Variants in EPB41L4A observed in about 807,000 individuals in gnomAD.
EPB41L4A encodes erythrocyte membrane protein band 4.1 like 4A, also known as band 4.1-like protein 4A.
A neutral mutation model predicts 108.6 loss-of-function variants in EPB41L4A; 100 were observed. That is an observed-to-expected ratio of 0.92 (90% confidence interval 0.78 to 1.09). The LOEUF (loss-of-function observed/expected upper bound fraction) is 1.09, where lower values mean the gene tolerates loss of function less well. EPB41L4A is among the 50% of genes least tolerant of loss of function. The pLI is 0.00. For missense variants in EPB41L4A, 1,030 were observed against 842.7 expected (o/e 1.22, Z -2.75); for synonymous variants, 319 against 289.0 (o/e 1.10, Z -1.05).
intron 2 of EPB41L4A, among the ~76,000 whole-genome samples, chr5:112,290,525 T>G (rs572993305): frequency 6.6e-6 from 1 of 152,294 alleles, no homozygotes; most frequent in Admixed American, 6.5e-5. Context: ...GAGTGGACTC[T>G]AAAATAATCA....
chr5:112,282,062 T>C lies in EPB41L4A; in HGVS notation c.205-1739A>G, dbSNP rs1279819370. 4.6e-5 allele frequency among the ~76,000 whole-genome samples: 7 copies of C among 152,310 alleles called. No individual in the cohort carries two copies. The East Asian group carries it at 9.7e-4, about 21-fold the overall frequency. On this transcript the variant is annotated intron_variant, in intron 2 of 22. Transcript: ENST00000261486. ...TTCATCATGTCTTATTTTTCAAAGG[T>C]CTAGAATCACTCACTTTTAAAACAG...
intron 4 of EPB41L4A, 60 bp from the exon 5 acceptor site, chr5:112,266,390 CG>C: frequency 8.5e-7 from 1 of 1,179,736 alleles, no homozygotes; most frequent in Non-Finnish European, 1.2e-6. Context: ...CCTGAGGTTT[CG>C]GACCCTGATA....
At chr5:112,184,237 T>G (rs1761314113) in intron 17 of EPB41L4A, 102 bp from the exon 18 acceptor site, 2 of 1,372,540 alleles carry the variant, frequency 1.5e-6, no homozygotes, top group African/African-American at 2.9e-5. Flanking sequence ...AGCAGAAATT[T>G]TATTATGATC....
At chr5:112,225,329 T>C (rs1019723209) in intron 12 of EPB41L4A, among the ~76,000 whole-genome samples, 2 of 152,236 alleles carry the variant, frequency 1.3e-5, no homozygotes, top group Admixed American at 1.3e-4. Context: ...TTGAAGACTC[T>C]GGTTGTGTCT....
chr5:112,211,805 G>C (rs12659409), intron 12 of EPB41L4A, among the ~76,000 whole-genome samples: 51,689 of 152,006 alleles, frequency 0.34, 9,536 homozygotes, highest in East Asian at 0.66. Context: ...GGTGGTTTCA[G>C]ATAAGAGTTC....
At chr5:112,250,773 G>A (rs182340925) in intron 9 of EPB41L4A, 18 of 152,262 alleles carry the variant, frequency 1.2e-4, no homozygotes, top group African/African-American at 3.9e-4. Flanking sequence ...CCAAGAACAA[G>A]GTGATTCCAT....
At chr5:112,366,987 G>A (rs974059836) in intron 1 of EPB41L4A, among the ~76,000 whole-genome samples, 1 of 152,154 alleles carries the variant, frequency 6.6e-6, no homozygotes, top group Non-Finnish European at 1.5e-5. Flanking sequence ...CAGAACTTGG[G>A]TCCTTCACAA....
intron 18 of EPB41L4A, chr5:112,175,507 T>C (rs935093828): frequency 3.3e-5 from 5 of 152,202 alleles, no homozygotes; most frequent in South Asian, 2.1e-4. Context: ...TTGTTGCGGA[T>C]AAAATACAAA....
At chr5:112,216,609 T>TA (rs199551866) in intron 12 of EPB41L4A, among the ~76,000 whole-genome samples, 53 of 151,244 alleles carry the variant, frequency 3.5e-4, no homozygotes, top group South Asian at 2.1e-3. Context: ...TCCCTTAACA[T>TA]AAAAAAAAAC....
At chr5:112,340,369 T>A (rs1044430480) in intron 1 of EPB41L4A, among the ~76,000 whole-genome samples, 2 of 152,138 alleles carry the variant, frequency 1.3e-5, no homozygotes, top group African/African-American at 2.4e-5. Flanking sequence ...GGCCCCAAAA[T>A]GCACGTTTAA....
At chr5:112,261,566 T>C (rs1751484442) in intron 7 of EPB41L4A, among the ~76,000 whole-genome samples, 1 of 152,236 alleles carries the variant, frequency 6.6e-6, no homozygotes, top group Non-Finnish European at 1.5e-5. Flanking sequence ...AATCAATTGG[T>C]AGCCTAAGAG....
chr5:112,171,107 C>G (rs1320022923), intron 18 of EPB41L4A, 115 bp from the exon 19 acceptor site: 1 of 879,286 alleles, frequency 1.1e-6, no homozygotes, highest in Admixed American at 2.2e-5. Context: ...TGAGAACAGA[C>G]AAGGAAAGAC....
intron 13 of EPB41L4A, among the ~76,000 whole-genome samples, chr5:112,205,739 C>G (rs1256790674): frequency 1.3e-5 from 2 of 152,154 alleles, no homozygotes; most frequent in Non-Finnish European, 2.9e-5. Context: ...CTTTAGTCAA[C>G]AGATGCCAGG....
At chr5:112,375,323 G>GCTCTCTCTCGCGCACACA (rs1440284141) in intron 1 of EPB41L4A, among the ~76,000 whole-genome samples, 2 of 142,456 alleles carry the variant, frequency 1.4e-5, no homozygotes, top group African/African-American at 5.3e-5. Context: ...TCTCTCTCTC[G>GCTCTCTCTCGCGCACACA]CACACACACA....
intron 15 of EPB41L4A, among the ~76,000 whole-genome samples, chr5:112,199,491 T>G (rs17134229): frequency 0.03 from 4,644 of 152,296 alleles, 253 homozygotes; most frequent in African/African-American, 0.11. Flanking sequence ...TTTTGCATTC[T>G]ATCTATACTA....
intron 14 of EPB41L4A, 126 bp downstream of exon 14, chr5:112,205,295 G>C: frequency 1.2e-6 from 1 of 823,452 alleles, no homozygotes; most frequent in Non-Finnish European, 2.2e-6. Context: ...TTGATTTAGA[G>C]TCTGCCCACT....
At chr5:112,260,559 G>GAC (rs1751425031) in intron 7 of EPB41L4A, among the ~76,000 whole-genome samples, 1 of 152,136 alleles carries the variant, frequency 6.6e-6, no homozygotes, top group East Asian at 1.9e-4. Flanking sequence ...GTCACTAGCA[G>GAC]ACACACACTT....
intron 12 of EPB41L4A, among the ~76,000 whole-genome samples, chr5:112,214,409 A>G (rs778109808): frequency 1.3e-5 from 2 of 152,246 alleles, no homozygotes; most frequent in Non-Finnish European, 1.5e-5. Context: ...GGTATAACAT[A>G]CATATATAAA....
chr5:112,383,608 C>G (rs1760307169), intron 1 of EPB41L4A, among the ~76,000 whole-genome samples: 1 of 152,138 alleles, frequency 6.6e-6, no homozygotes, highest in Admixed American at 6.5e-5. Context: ...CACAAGGGAA[C>G]TACTAATAAA....
Sources: allele counts gnomAD v4.1 joint callset (sites outside exome capture counted in the v4.1 genomes callset), GRCh38; gene constraint gnomAD v4.1.1; transcripts MANE v1.5; gene names NCBI Gene and HGNC (gene_info 2026-07-23, HGNC 2026-07-21).